TENT2: variants seen among roughly 807,000 people sequenced by gnomAD.
TENT2 encodes terminal nucleotidyltransferase 2.
A neutral mutation model predicts 72.2 loss-of-function variants in TENT2; 44 were observed. The observed-to-expected ratio is 0.61, with a 90% CI of 0.48 to 0.78. The LOEUF (loss-of-function observed/expected upper bound fraction) is 0.78, where lower values mean the gene tolerates loss of function less well. Ranked by LOEUF, TENT2 falls within the 30% of genes least tolerant of loss-of-function variation. The pLI is 0.00. For synonymous variants in TENT2, 212 were observed against 192.5 expected (o/e 1.10, Z -0.84); for missense variants, 541 against 569.6 (o/e 0.95, Z 0.51).
chr5:79,633,439 T>G (rs968998846), intron 4 of TENT2, among the ~76,000 whole-genome samples: 5 of 144,806 alleles, frequency 3.5e-5, no homozygotes, highest in East Asian at 2.0e-4. Context: ...AAAGTTTTTT[T>G]TTTTTTTTTT....
intron 1 of TENT2, chr5:79,614,976 T>A (rs1344407581): frequency 1.3e-5 from 2 of 152,214 alleles, no homozygotes; most frequent in African/African-American, 4.8e-5. Context: ...TGCGTCGGAA[T>A]GATTTTCCTC....
chr5:79,663,569 G>C (rs979721784), intron 11 of TENT2, among the ~76,000 whole-genome samples: 1 of 152,152 alleles, frequency 6.6e-6, no homozygotes, highest in Non-Finnish European at 1.5e-5. Context: ...TGGGGGAATT[G>C]CCTGCCAGTC....
rs576492330 is a variant in TENT2 at position 79,635,895 on chromosome 5, A to G, written c.466-4956A>G. 2.0e-5 allele frequency among the ~76,000 whole-genome samples: 3 copies of G among 152,158 alleles called. No individual in the cohort carries two copies. In the South Asian group the frequency reaches 6.2e-4, roughly 32 times the overall value. On this transcript the variant is annotated intron_variant, in intron 4 of 14. Transcript: ENST00000453514. The stretch of plus-strand genomic sequence containing the variant: ...GCTATTCAACAAATACTGAGTACCT[A>G]CGGTGAATTCTAGGATTATGTTGAT...
chr5:79,617,727 GGTATAGAAT>G (rs1414580708), intron 1 of TENT2: 18 of 152,132 alleles, frequency 1.2e-4, no homozygotes, highest in African/African-American at 3.4e-4. Context: ...AGTACAGCTA[GGTATAGAAT>G]TACAGCCTGA....
In TENT2 at chr5:79,659,593, T is replaced by TAA. The variant is rs1554086916; in HGVS notation, c.1071+2593_1071+2594dup. Among the ~76,000 whole-genome samples the TAA allele has an allele frequency of 2.1e-4, 25 of 121,872 alleles. 1 individual carries two copies. The highest frequency in any genetic ancestry group is 3.9e-4 in the Non-Finnish European group (23 of 58,776). 80.0% of individuals were successfully genotyped at this position (121,872 alleles called of 152,430 possible). A position where few individuals can be genotyped will look rare whatever the true frequency, so the allele number is the denominator to read the frequency against. On this transcript the variant is annotated intron_variant, in intron 11 of 14. Coordinates refer to ENST00000453514, the MANE Select transcript of TENT2 (RefSeq NM_001114394.3). ...ATATATATATATATATATATATATATAATAGCCATCGTTTATTTAGTATCC... is the reference window on the plus strand; with the variant it reads ...ATATATATATATATATATATATATATAAAATAGCCATCGTTTATTTAGTATCC...
At chr5:79,648,780 T>C in intron 9 of TENT2, 87 bp downstream of exon 9, 1 of 1,028,330 alleles carries the variant, frequency 9.7e-7, no homozygotes, top group East Asian at 2.5e-5. Context: ...GACATCTCTT[T>C]AGTTGTGTTT....
At chr5:79,631,963 T>C (rs931374630) in intron 4 of TENT2, among the ~76,000 whole-genome samples, 1 of 152,196 alleles carries the variant, frequency 6.6e-6, no homozygotes, top group African/African-American at 2.4e-5. Flanking sequence ...CAGAGTTGAA[T>C]GGCATCTTCC....
At chr5:79,681,872 A>G in intron 13 of TENT2, 110 bp from the exon 14 acceptor site, 1 of 858,090 alleles carries the variant, frequency 1.2e-6, no homozygotes, top group East Asian at 2.7e-5. Context: ...CTGAAATTGC[A>G]ATTTTTGTAG....
intron 6 of TENT2, 145 bp downstream of exon 6, chr5:79,641,341 A>G: frequency 1.6e-6 from 1 of 615,694 alleles, no homozygotes; most frequent in Non-Finnish European, 2.7e-6. Flanking sequence ...AAACCTAGGT[A>G]ATTTTTTATT....
At chr5:79,613,767 A>G (rs2149762144) in intron 1 of TENT2, among the ~76,000 whole-genome samples, 1 of 152,362 alleles carries the variant, frequency 6.6e-6, no homozygotes, top group African/African-American at 2.4e-5. Flanking sequence ...TCTTAACCAA[A>G]AGGAATATCC....
At chr5:79,654,390 C>T (rs1796391321) in intron 10 of TENT2, among the ~76,000 whole-genome samples, 2 of 151,900 alleles carry the variant, frequency 1.3e-5, no homozygotes, top group African/African-American at 4.8e-5. Context: ...TAGATTGTGC[C>T]ATTGCACTCC....
chr5:79,653,839 A>G (rs1795951861), intron 10 of TENT2, among the ~76,000 whole-genome samples: 1 of 152,154 alleles, frequency 6.6e-6, no homozygotes, highest in Non-Finnish European at 1.5e-5. Context: ...GCCACAAAAA[A>G]CTAGTTTTTG....
In TENT2 at chr5:79,685,176, AATG is replaced by A. The variant is rs1561610871; in HGVS notation, c.1381-20_1381-18del. The A allele has an allele frequency of 1.5e-5, 23 of 1,565,394 alleles. No individual in the cohort carries two copies. Among genetic ancestry groups the A allele is most frequent in the Non-Finnish European group, 1.9e-5 (22 of 1,144,344 alleles). On this transcript the variant is annotated intron_variant, in intron 14 of 14. Transcript: ENST00000453514. ...TTCTGCATAAATTTTAGGTTTTAAG[AATG>A]ATTTTTCTTTCTCTCCCAGTCATGG...
rs888704334 is a variant in TENT2 at position 79,687,567 on chromosome 5, T to C, written c.*2294T>C. ...GTAAATGCTATGTAAATAGTTGTTA[T>C]ACTGTATTGTTTAGGGAATAATAAT... is the stretch of plus-strand genomic sequence containing the variant. On this transcript the variant is annotated 3_prime_UTR_variant, in exon 15 of 15. Transcript: ENST00000453514. 2.6e-5 allele frequency among the ~76,000 whole-genome samples: 4 copies of C among 152,230 alleles called. No individual in the cohort carries two copies. Among genetic ancestry groups the C allele is most frequent in the Non-Finnish European group, 4.4e-5 (3 of 68,040 alleles).
Position 79,618,694 on chromosome 5 carries a change from A to G in TENT2, c.-37-918A>G, listed in dbSNP as rs187094590. ...CCATGGATGCCTATTTTAAGTGAGA[A>G]TATCAGGAGTCTAATTAGAAACTCT... On this transcript the variant is annotated intron_variant, in intron 1 of 14. Coordinates refer to ENST00000453514, the MANE Select transcript of TENT2 (RefSeq NM_001114394.3). Among the ~76,000 whole-genome samples, 593 of 152,178 alleles carry G rather than the reference A, an allele frequency of 3.9e-3. 2 individuals carry two copies. Among genetic ancestry groups the G allele is most frequent in the African/African-American group, 0.012 (513 of 41,502 alleles).
rs1474450326 is a variant in TENT2, at chr5:79,641,045, C to T, written c.581-60C>T. On this transcript the variant is annotated intron_variant, in intron 5 of 14. Coordinates refer to ENST00000453514, the MANE Select transcript of TENT2 (RefSeq NM_001114394.3). ...TTATCTTTTTTTTTTTTAATAGGCA[C>T]AGAACCATGCACCTACTTTAGATTT... The T allele has an allele frequency of 4.1e-6, 6 of 1,479,210 alleles. No homozygotes were observed. The African/African-American group carries it at 7.2e-5, about 18-fold the overall frequency. 91.6% of individuals were successfully genotyped at this position (1,479,210 alleles called of 1,614,324 possible).
intron 10 of TENT2, among the ~76,000 whole-genome samples, chr5:79,653,856 T>C (rs541519200): frequency 2.0e-4 from 30 of 152,340 alleles, no homozygotes; most frequent in African/African-American, 7.2e-4. Flanking sequence ...TTTGTGACTT[T>C]GGTGAAGTTA....
intron 12 of TENT2, among the ~76,000 whole-genome samples, chr5:79,676,508 C>T (rs1313207883): frequency 6.6e-6 from 1 of 152,106 alleles, no homozygotes; most frequent in African/African-American, 2.4e-5. Flanking sequence ...TTGCTTGAAC[C>T]TGGGAGGCAC....
At chr5:79,627,528 C>T (rs188945065) in intron 4 of TENT2, among the ~76,000 whole-genome samples, 75 of 152,150 alleles carry the variant, frequency 4.9e-4, no homozygotes, top group Admixed American at 3.6e-3. Context: ...TCTTGTTGCC[C>T]AGGCTCAAGT....
Sources: allele counts gnomAD v4.1 joint callset (sites outside exome capture counted in the v4.1 genomes callset), GRCh38; gene constraint gnomAD v4.1.1; transcripts MANE v1.5; gene names NCBI Gene and HGNC (gene_info 2026-07-23, HGNC 2026-07-21).